Variants in KCNMB2 observed in about 807,000 individuals in gnomAD.
KCNMB2 encodes the protein potassium calcium-activated channel subfamily M regulatory beta subunit 2.
Under a neutral mutation model 24.5 loss-of-function variants are expected in KCNMB2, and 9 were observed. The observed-to-expected ratio is 0.37, with a 90% CI of 0.22 to 0.64. KCNMB2 has a LOEUF of 0.64. Among genes scored for constraint, KCNMB2 ranks in the 30% least tolerant of loss-of-function variants. The pLI, the probability that KCNMB2 is intolerant of heterozygous loss-of-function variation, is 0.63. For missense variants in KCNMB2, 226 were observed against 284.3 expected (o/e 0.79, Z 1.47); for synonymous variants, 109 against 104.4 (o/e 1.04, Z -0.27).
At chr3:178,752,719 G>A (rs1047906318) in intron 1 of KCNMB2, among the ~76,000 whole-genome samples, 1 of 152,100 alleles carries the variant, frequency 6.6e-6, no homozygotes, top group African/African-American at 2.4e-5. Flanking sequence ...AGAAGAGAGG[G>A]AATATCTTTC....
intron 2 of KCNMB2, among the ~76,000 whole-genome samples, chr3:178,814,206 T>C (rs765636431): frequency 6.6e-6 from 1 of 152,190 alleles, no homozygotes; most frequent in Non-Finnish European, 1.5e-5. Context: ...TATGTCCACA[T>C]GTACCCATTG....
intron 1 of KCNMB2, among the ~76,000 whole-genome samples, chr3:178,692,197 T>C (rs536336666): frequency 6.6e-6 from 1 of 152,366 alleles, no homozygotes; most frequent in South Asian, 2.1e-4. Flanking sequence ...GTAGGTTGTC[T>C]GTTTACTCTG....
intron 1 of KCNMB2, among the ~76,000 whole-genome samples, chr3:178,681,173 C>A (rs1721258685): frequency 6.6e-6 from 1 of 152,188 alleles, no homozygotes; most frequent in Admixed American, 6.5e-5. Context: ...GAACACAGAA[C>A]CTGTGTCAGA....
chr3:178,761,929 T>C (rs1214863104), intron 1 of KCNMB2, among the ~76,000 whole-genome samples: 1 of 152,106 alleles, frequency 6.6e-6, no homozygotes, highest in Middle Eastern at 3.2e-3. Context: ...CGCAGCACTT[T>C]GGGAGGCCGA....
chr3:178,679,595 G>C (rs1721197089), intron 1 of KCNMB2, among the ~76,000 whole-genome samples: 1 of 152,164 alleles, frequency 6.6e-6, no homozygotes, highest in African/African-American at 2.4e-5. Context: ...CAAAAGAAGA[G>C]CTGGTAGTGA....
intron 1 of KCNMB2, among the ~76,000 whole-genome samples, chr3:178,793,694 C>T (rs1713420012): frequency 6.6e-6 from 1 of 152,120 alleles, no homozygotes. Flanking sequence ...AAGAAGGAGC[C>T]TGTCATCCAG....
chr3:178,810,798 G>A (rs1009031801), intron 2 of KCNMB2, among the ~76,000 whole-genome samples: 4 of 151,602 alleles, frequency 2.6e-5, no homozygotes, highest in East Asian at 1.9e-4. Context: ...GCAGTGGTGC[G>A]ATCTTGGCTC....
At chr3:178,783,701 A>G (rs1318350165) in intron 1 of KCNMB2, among the ~76,000 whole-genome samples, 1 of 151,966 alleles carries the variant, frequency 6.6e-6, no homozygotes, top group African/African-American at 2.4e-5. Flanking sequence ...GGCTGAGACA[A>G]TGGGGTTTTC....
chr3:178,776,428 T>C (rs1359476003), intron 1 of KCNMB2, among the ~76,000 whole-genome samples: 6 of 152,216 alleles, frequency 3.9e-5, no homozygotes, highest in Non-Finnish European at 8.8e-5. Flanking sequence ...TCCCTGCTCA[T>C]AGTTTCATCT....
At position 178,647,134 on chromosome 3, in the gene KCNMB2, G is replaced by A. The variant is rs559220289; in HGVS notation, c.-68+110423G>A. ...GCTGCTGGACCTCTCTGGTTTGCACGTCTGCTAATGCCAGTTGTAAGGATA... is the reference window on the plus strand; with the variant it reads ...GCTGCTGGACCTCTCTGGTTTGCACATCTGCTAATGCCAGTTGTAAGGATA... On this transcript the variant is annotated intron_variant, in intron 1 of 4. Transcript: ENST00000452583. Among the ~76,000 whole-genome samples, 14 of 152,190 alleles carry A rather than the reference G, an allele frequency of 9.2e-5. No homozygotes were observed. The South Asian group carries it at 1.0e-3, about 11-fold the overall frequency.
chr3:178,617,706 G>A (rs1252765216), intron 1 of KCNMB2, among the ~76,000 whole-genome samples: 3 of 151,528 alleles, frequency 2.0e-5, no homozygotes, highest in East Asian at 1.9e-4. Flanking sequence ...TGGCCAACAC[G>A]ATGAAACCCC....
chr3:178,614,261 A>ATC lies in KCNMB2; in HGVS notation c.-68+77551_-68+77552insCT, dbSNP rs1268596476. ...CTGGGCTAATTTTATATATATATATATATATATATATATATATATATATAT... is the reference window on the plus strand; with the variant it reads ...CTGGGCTAATTTTATATATATATATATCTATATATATATATATATATATATAT... On this transcript the variant is annotated intron_variant, in intron 1 of 4. Transcript: ENST00000452583. Among the ~76,000 whole-genome samples, 3 of 39,222 alleles carry ATC rather than the reference A, an allele frequency of 7.6e-5. No individual in the cohort carries two copies. The East Asian group carries it at 2.4e-3, about 31-fold the overall frequency. The allele number at this position is 39,222 out of a possible 152,430, so 25.7% of individuals were successfully genotyped here.
chr3:178,662,621 A>G (rs958243639), intron 1 of KCNMB2, among the ~76,000 whole-genome samples: 4 of 152,284 alleles, frequency 2.6e-5, no homozygotes, highest in African/African-American at 9.6e-5. Context: ...TTTAATTTCC[A>G]CTTGTTCAAA....
At chr3:178,831,806 T>G (rs1005033294) in intron 4 of KCNMB2, among the ~76,000 whole-genome samples, 1 of 152,072 alleles carries the variant, frequency 6.6e-6, no homozygotes, top group African/African-American at 2.4e-5. Context: ...CTATGCTTAT[T>G]ACCTGGGTGG....
chr3:178,584,456 A>T (rs1717347570), intron 1 of KCNMB2, among the ~76,000 whole-genome samples: 2 of 152,002 alleles, frequency 1.3e-5, no homozygotes, highest in Non-Finnish European at 2.9e-5. Context: ...CAAAAGAAAA[A>T]GTTTGTATGA....
At chr3:178,741,668 A>C (rs1232552777) in intron 1 of KCNMB2, among the ~76,000 whole-genome samples, 2 of 152,204 alleles carry the variant, frequency 1.3e-5, no homozygotes, top group Non-Finnish European at 2.9e-5. Context: ...CCAGGCGTCC[A>C]CAACCTTCCT....
chr3:178,774,400 T>C (rs1470814129), intron 1 of KCNMB2, among the ~76,000 whole-genome samples: 1 of 152,202 alleles, frequency 6.6e-6, no homozygotes, highest in Non-Finnish European at 1.5e-5. Context: ...TCCTGTTCCA[T>C]ATATTGCCTT....
intron 1 of KCNMB2, among the ~76,000 whole-genome samples, chr3:178,543,216 TG>T (rs542191933): frequency 1.2e-3 from 190 of 152,348 alleles, no homozygotes; most frequent in African/African-American, 4.4e-3. Context: ...GTATGACATT[TG>T]CTCACTGCTT....
intron 1 of KCNMB2, among the ~76,000 whole-genome samples, chr3:178,647,713 T>A (rs1371893610): frequency 6.6e-6 from 1 of 152,196 alleles, no homozygotes; most frequent in Non-Finnish European, 1.5e-5. Flanking sequence ...TATTTATTTA[T>A]TCATCAAACC....
Sources: allele counts gnomAD v4.1 joint callset (sites outside exome capture counted in the v4.1 genomes callset), GRCh38; gene constraint gnomAD v4.1.1; transcripts MANE v1.5; gene names NCBI Gene and HGNC (gene_info 2026-07-23, HGNC 2026-07-21).